ZFPM2: variants seen among roughly 807,000 people sequenced by gnomAD.
ZFPM2 encodes zinc finger protein, FOG family member 2.
A neutral mutation model predicts 98.6 loss-of-function variants in ZFPM2; 20 were observed. The ratio of observed to expected loss-of-function variants is 0.20; its 90% confidence interval spans 0.14 to 0.29. ZFPM2 has a LOEUF of 0.29. ZFPM2 is among the 10% of genes least tolerant of loss of function. The pLI, the probability that ZFPM2 is intolerant of heterozygous loss-of-function variation, is 1.00. For synonymous variants in ZFPM2, 518 were observed against 502.7 expected (o/e 1.03, Z -0.41); for missense variants, 1,310 against 1,388.6 (o/e 0.94, Z 0.90).
At chr8:105,358,387 T>G (rs1812790033) in intron 1 of ZFPM2, 2 of 152,240 alleles carry the variant, frequency 1.3e-5, no homozygotes, top group South Asian at 2.1e-4. Flanking sequence ...GCTAGGATTC[T>G]TTCATGTGAC....
intron 2 of ZFPM2, among the ~76,000 whole-genome samples, chr8:105,422,392 G>T (rs1457262839): frequency 2.0e-5 from 3 of 152,130 alleles, no homozygotes; most frequent in Admixed American, 2.0e-4. Context: ...AGACAGCCGA[G>T]ATTGAGCCAC....
intron 3 of ZFPM2, among the ~76,000 whole-genome samples, chr8:105,527,841 T>C (rs1325100243): frequency 6.6e-6 from 1 of 152,206 alleles, no homozygotes; most frequent in Non-Finnish European, 1.5e-5. Context: ...TGGCATCTTA[T>C]GGAAGCATTA....
At chr8:105,563,892 A>T (rs1400201937) in intron 4 of ZFPM2, among the ~76,000 whole-genome samples, 1 of 152,130 alleles carries the variant, frequency 6.6e-6, no homozygotes, top group East Asian at 1.9e-4. Context: ...GACATGCAAG[A>T]TGAACATTTT....
At chr8:105,667,975 T>C (rs745592480) in intron 5 of ZFPM2, among the ~76,000 whole-genome samples, 1 of 152,194 alleles carries the variant, frequency 6.6e-6, no homozygotes, top group African/African-American at 2.4e-5. Context: ...TTAAGCCACA[T>C]AAAACAAAGC....
At chr8:105,459,900 G>T (rs576210283) in intron 3 of ZFPM2, among the ~76,000 whole-genome samples, 1 of 152,120 alleles carries the variant, frequency 6.6e-6, no homozygotes, top group South Asian at 2.1e-4. Flanking sequence ...AAAGTCTGCT[G>T]TCAGGAAAAA....
Position 105,352,602 on chromosome 8 carries a change from C to G in ZFPM2, c.40+33621C>G, listed in dbSNP as rs140747839. Among the ~76,000 whole-genome samples the G allele has an allele frequency of 2.5e-3, 370 of 149,058 alleles. 1 individual carries two copies. Among genetic ancestry groups the G allele is most frequent in the African/African-American group, 8.8e-3 (355 of 40,294 alleles). On this transcript the variant is annotated intron_variant, in intron 1 of 7. Transcript: ENST00000407775. ...CCATTTTACCGTTTTTTTTTTTTTA[C>G]CTGTCTTTGACCCTTTTATTATCTG...
chr8:105,759,610 G>GTGTA (rs1053120303), intron 5 of ZFPM2, among the ~76,000 whole-genome samples: 1 of 149,596 alleles, frequency 6.7e-6, no homozygotes, highest in African/African-American at 2.5e-5. Flanking sequence ...GTGTGTGTGT[G>GTGTA]TATGCACATG....
chr8:105,535,686 CA>C (rs2130607611), intron 3 of ZFPM2, among the ~76,000 whole-genome samples: 1 of 152,188 alleles, frequency 6.6e-6, no homozygotes, highest in African/African-American at 2.4e-5. Flanking sequence ...TGTCTAAATT[CA>C]TCTGATTATT....
At chr8:105,369,267 G>C (rs1370986008) in intron 1 of ZFPM2, among the ~76,000 whole-genome samples, 4 of 152,078 alleles carry the variant, frequency 2.6e-5, no homozygotes, top group African/African-American at 9.7e-5. Context: ...TTATCCTGAC[G>C]TGAATTATAT....
intron 4 of ZFPM2, among the ~76,000 whole-genome samples, chr8:105,618,404 C>T (rs2130811405): frequency 6.6e-6 from 1 of 152,168 alleles, no homozygotes; most frequent in South Asian, 2.1e-4. Flanking sequence ...ATAATGATCT[C>T]TTTCATAGAA....
At chr8:105,612,240 A>ATTTACT (rs1816322397) in intron 4 of ZFPM2, among the ~76,000 whole-genome samples, 1 of 152,152 alleles carries the variant, frequency 6.6e-6, no homozygotes, top group Non-Finnish European at 1.5e-5. Context: ...TAAATAAACT[A>ATTTACT]GAATATTCTA....
At chr8:105,545,129 A>G (rs1375414978) in intron 3 of ZFPM2, among the ~76,000 whole-genome samples, 2 of 152,200 alleles carry the variant, frequency 1.3e-5, no homozygotes, top group Non-Finnish European at 2.9e-5. Flanking sequence ...ACAGGATCCT[A>G]AGGAATAACC....
At chr8:105,665,316 G>A (rs1817468838) in intron 5 of ZFPM2, among the ~76,000 whole-genome samples, 2 of 152,078 alleles carry the variant, frequency 1.3e-5, no homozygotes, top group Admixed American at 1.3e-4. Flanking sequence ...TCCAACAAAT[G>A]AACTTTTGGG....
chr8:105,385,694 T>C (rs1410333008), intron 1 of ZFPM2, among the ~76,000 whole-genome samples: 2 of 152,218 alleles, frequency 1.3e-5, no homozygotes, highest in African/African-American at 2.4e-5. Flanking sequence ...TAGATCTCTC[T>C]TGGTCAGCAG....
In ZFPM2 at chr8:105,798,729, A is replaced by G. The variant is rs1448735118; in HGVS notation, c.745A>G (p.Ile249Val). The G allele has an allele frequency of 5.6e-6, 9 of 1,613,114 alleles. No individual in the cohort carries two copies. Among genetic ancestry groups the G allele is most frequent in the Admixed American group, 1.7e-5 (1 of 59,882 alleles). Residue 249 changes from isoleucine (I) to valine (V), a missense_variant, in exon 7 of 8, where the codon ATA becomes GTA. Coordinates refer to ENST00000407775, the MANE Select transcript of ZFPM2 (RefSeq NM_012082.4). ...ILPTAIVNKD[I>V]FPCKSCGIWY... ...TCTTGTGTTTTTACCTGCAGAGGAT[A>G]TATTCCCTTGCAAGTCCTGTGGCAT...
At chr8:105,784,340 G>GCA (rs1813349459) in intron 5 of ZFPM2, among the ~76,000 whole-genome samples, 1 of 128,364 alleles carries the variant, frequency 7.8e-6, no homozygotes, top group African/African-American at 5.0e-5. Flanking sequence ...CACAATAGTT[G>GCA]GTGATCCATA....
At chr8:105,332,956 A>G (rs1253670414) in intron 1 of ZFPM2, among the ~76,000 whole-genome samples, 4 of 151,762 alleles carry the variant, frequency 2.6e-5, no homozygotes, top group African/African-American at 9.7e-5. Flanking sequence ...TTTGTGTGCC[A>G]TGTTGAAGAA....
chr8:105,573,471 C>G (rs1391446142), intron 4 of ZFPM2, among the ~76,000 whole-genome samples: 2 of 152,124 alleles, frequency 1.3e-5, no homozygotes. Flanking sequence ...AAAGAAAATT[C>G]AGTGAACTTG....
chr8:105,352,958 C>T, intron 1 of ZFPM2, among the ~76,000 whole-genome samples: 1 of 152,002 alleles, frequency 6.6e-6, no homozygotes, highest in East Asian at 1.9e-4. Context: ...ACAACATTAG[C>T]ACATCAATAT....
Sources: allele counts gnomAD v4.1 joint callset (sites outside exome capture counted in the v4.1 genomes callset), GRCh38; gene constraint gnomAD v4.1.1; transcripts MANE v1.5; gene names NCBI Gene and HGNC (gene_info 2026-07-23, HGNC 2026-07-21).